The following COL4A5 variants were observed in gnomAD, a reference collection of about 807,000 sequenced individuals.
COL4A5 encodes collagen type IV alpha 5 chain, also known as collagen alpha-5(IV) chain.
Under a neutral mutation model 130.2 loss-of-function variants are expected in COL4A5, and 26 were observed. That is an observed-to-expected ratio of 0.20 (90% CI 0.15 to 0.28). COL4A5 has a LOEUF of 0.28. Ranked by LOEUF, COL4A5 falls within the 10% of genes least tolerant of loss-of-function variation. The probability of loss-of-function intolerance (pLI) is 1.00; values close to 1 mark genes in which losing one functional copy is unlikely to be tolerated. For synonymous variants in COL4A5, 496 were observed against 439.6 expected, an observed-to-expected ratio of 1.13 and a Z score of -1.60; for missense variants, 1,131 against 1,344.3, an observed-to-expected ratio of 0.84 and a Z score of 2.48.
intron 1 of COL4A5, among the ~76,000 whole-genome samples, chrX:108,487,786 C>G (rs961231403): frequency 2.2e-4 from 25 of 112,198 alleles, no homozygotes; most frequent in African/African-American, 7.4e-4. Flanking sequence ...AAAGGGAAAG[C>G]TCTTATAGCT....
At chrX:108,584,432 T>C (rs908677771) in intron 17 of COL4A5, 52 bp from the exon 18 acceptor site, 1 of 1,058,851 alleles carries the variant, frequency 9.4e-7, no homozygotes, top group Admixed American at 2.2e-5. Flanking sequence ...CTTGAGGAAA[T>C]TGATGTTTTC....
At chrX:108,542,294 C>T (rs371184975) in intron 2 of COL4A5, among the ~76,000 whole-genome samples, 1 of 98,180 alleles carries the variant, frequency 1.0e-5, no homozygotes, top group African/African-American at 3.8e-5. Context: ...TGTGTGATGT[C>T]CCCCTTCCTG....
chrX:108,537,268 A>G (rs1489776806), intron 1 of COL4A5, among the ~76,000 whole-genome samples: 4 of 111,378 alleles, frequency 3.6e-5, no homozygotes, highest in Admixed American at 9.6e-5. Context: ...GTTTTAACCT[A>G]TGAGTACCAG....
intron 2 of COL4A5, among the ~76,000 whole-genome samples, chrX:108,554,477 C>T (rs2147709381): frequency 9.0e-6 from 1 of 111,450 alleles, no homozygotes; most frequent in South Asian, 3.9e-4. Context: ...AGGTTCCTCC[C>T]TCAACACTTG....
chrX:108,646,483 C>T (rs1243533281), intron 36 of COL4A5, among the ~76,000 whole-genome samples: 1 of 110,949 alleles, frequency 9.0e-6, no homozygotes, highest in Non-Finnish European at 1.9e-5. Flanking sequence ...GATATTAGCC[C>T]TTTGTCAGAT....
chrX:108,529,377 A>G (rs1292251363), intron 1 of COL4A5, among the ~76,000 whole-genome samples: 2 of 111,705 alleles, frequency 1.8e-5, no homozygotes, highest in East Asian at 5.6e-4. Context: ...ATGAAAGTAT[A>G]AAACTCACAG....
intron 1 of COL4A5, among the ~76,000 whole-genome samples, chrX:108,514,043 G>A (rs182022221): frequency 1.8e-5 from 2 of 111,263 alleles, no homozygotes; most frequent in African/African-American, 6.5e-5. Context: ...TGGCACCTTT[G>A]TTGAAAATCA....
At chrX:108,565,088 A>G (rs976631994) in intron 4 of COL4A5, among the ~76,000 whole-genome samples, 1 of 111,430 alleles carries the variant, frequency 9.0e-6, no homozygotes, top group African/African-American at 3.3e-5. Flanking sequence ...CTATATTCTA[A>G]GCACTATTGA....
intron 43 of COL4A5, chrX:108,677,094 G>A (rs1206880296): frequency 1.8e-5 from 2 of 113,633 alleles, no homozygotes; most frequent in Admixed American, 1.9e-4. Context: ...CTTGGGGTGG[G>A]CCCAGGAATC....
chrX:108,687,039 G>A (rs1011937145), intron 48 of COL4A5, among the ~76,000 whole-genome samples: 2 of 112,417 alleles, frequency 1.8e-5, no homozygotes, highest in African/African-American at 6.5e-5. Flanking sequence ...GGCTAAATCA[G>A]GAAGGGAAGC....
intron 36 of COL4A5, among the ~76,000 whole-genome samples, chrX:108,631,319 CTT>C (rs968494729): frequency 9.0e-6 from 1 of 111,522 alleles, no homozygotes; most frequent in Non-Finnish European, 1.9e-5. Flanking sequence ...TTTGTGTCCT[CTT>C]TCATTTCGTT....
At chrX:108,606,935 A>G in intron 29 of COL4A5, 43 bp downstream of exon 29, 1 of 1,189,573 alleles carries the variant, frequency 8.4e-7, no homozygotes, top group Non-Finnish European at 1.1e-6. Flanking sequence ...TTTAACTTTT[A>G]TAGAAATTGA....
At chrX:108,595,967 TG>T (rs1237120125) in intron 22 of COL4A5, among the ~76,000 whole-genome samples, 8 of 111,687 alleles carry the variant, frequency 7.2e-5, no homozygotes, top group African/African-American at 2.6e-4. Flanking sequence ...TTCCAGTCAC[TG>T]GGGATGTATC....
chrX:108,648,339 G>A (rs2067652561), intron 36 of COL4A5, among the ~76,000 whole-genome samples: 3 of 110,974 alleles, frequency 2.7e-5, no homozygotes, highest in Non-Finnish European at 3.8e-5. Flanking sequence ...AGAAGAATTG[G>A]CACCAGTACT....
At chrX:108,466,119 T>TAAAATTATATATAATTATATAAAATA (rs1288598518) in intron 1 of COL4A5, among the ~76,000 whole-genome samples, 314 of 112,333 alleles carry the variant, frequency 2.8e-3, no homozygotes, top group African/African-American at 9.8e-3. Context: ...TGTATGGATA[T>TAAAATTATATATAATTATATAAAATA]ACCACATTTT....
intron 33 of COL4A5, among the ~76,000 whole-genome samples, chrX:108,623,163 G>A (rs768325589): frequency 8.9e-6 from 1 of 111,959 alleles, no homozygotes; most frequent in South Asian, 3.7e-4. Context: ...TCAGTGTTTA[G>A]GAAATTTGCT....
intron 21 of COL4A5, among the ~76,000 whole-genome samples, chrX:108,591,983 T>C (rs186809775): frequency 8.9e-6 from 1 of 111,752 alleles, no homozygotes; most frequent in Admixed American, 9.5e-5. Flanking sequence ...TGTAATCAAT[T>C]CCATTCATAA....
intron 36 of COL4A5, among the ~76,000 whole-genome samples, chrX:108,646,182 T>C (rs923504747): frequency 2.2e-4 from 24 of 111,517 alleles, no homozygotes; most frequent in Non-Finnish European, 4.3e-4. Flanking sequence ...TTGAACTAGT[T>C]TACAGTCCCA....
chrX:108,451,532 C>A (rs1358568308), intron 1 of COL4A5, among the ~76,000 whole-genome samples: 1 of 111,284 alleles, frequency 9.0e-6, no homozygotes, highest in Non-Finnish European at 1.9e-5. Flanking sequence ...TTAATGATTG[C>A]CATTCTAACT....
Sources: allele counts gnomAD v4.1 joint callset (sites outside exome capture counted in the v4.1 genomes callset), GRCh38; gene constraint gnomAD v4.1.1; transcripts MANE v1.5; gene names NCBI Gene and HGNC (gene_info 2026-07-23, HGNC 2026-07-21).